The following SEMA3E variants were observed in gnomAD, a reference collection of about 807,000 sequenced individuals.
SEMA3E encodes the protein semaphorin 3E.
In SEMA3E, 49 loss-of-function variants were observed where a neutral mutation model predicts 93.6. The observed-to-expected ratio is 0.52, with a 90% CI of 0.42 to 0.66. SEMA3E has a LOEUF of 0.66. Ranked by LOEUF, SEMA3E falls within the 30% of genes least tolerant of loss-of-function variation. The pLI, the probability that SEMA3E is intolerant of heterozygous loss-of-function variation, is 0.00. For synonymous variants in SEMA3E, 363 were observed against 330.7 expected (o/e 1.10, Z -1.06); for missense variants, 906 against 964.8 (o/e 0.94, Z 0.81).
At chr7:83,467,057 C>CTTTTTTTTTTTTTTTTTTTTTTTTTTTTT (rs59059670) in intron 3 of SEMA3E, among the ~76,000 whole-genome samples, 1 of 117,168 alleles carries the variant, frequency 8.5e-6, no homozygotes. Context: ...AATATGCAGT[C>CTTTTTTTTTTTTTTTTTTTTTTTTTTTTT]TTTTTTTTTT....
At chr7:83,481,030 CTT>C (rs1405460754) in intron 2 of SEMA3E, among the ~76,000 whole-genome samples, 1 of 152,080 alleles carries the variant, frequency 6.6e-6, no homozygotes, top group African/African-American at 2.4e-5. Context: ...AATGAGGACT[CTT>C]TTAATAAAAG....
intron 1 of SEMA3E, among the ~76,000 whole-genome samples, chr7:83,591,031 AG>A (rs540812450): frequency 1.8e-3 from 279 of 151,580 alleles, no homozygotes; most frequent in African/African-American, 6.3e-3. Context: ...GTTCTTGAGC[AG>A]GAAGTTTTAA....
At chr7:83,474,112 A>AGG (rs1256396506) in intron 2 of SEMA3E, among the ~76,000 whole-genome samples, 75 of 150,930 alleles carry the variant, frequency 5.0e-4, no homozygotes, top group African/African-American at 1.6e-3. Flanking sequence ...AAAAAAAAAA[A>AGG]AAAAGAAAAA....
chr7:83,395,446 C>T (rs986016876), intron 12 of SEMA3E, among the ~76,000 whole-genome samples: 1 of 152,160 alleles, frequency 6.6e-6, no homozygotes, highest in African/African-American at 2.4e-5. Context: ...AATTAGCCTA[C>T]TTGCTAAAAT....
At chr7:83,508,554 G>A (rs535462552) in intron 1 of SEMA3E, among the ~76,000 whole-genome samples, 8 of 152,186 alleles carry the variant, frequency 5.3e-5, no homozygotes, top group African/African-American at 7.2e-5. Context: ...GAGCCACTGC[G>A]CCTGGCTTAT....
intron 5 of SEMA3E, among the ~76,000 whole-genome samples, chr7:83,415,802 T>C (rs544454015): frequency 6.6e-6 from 1 of 152,120 alleles, no homozygotes; most frequent in Non-Finnish European, 1.5e-5. Context: ...TTTGTCTTCA[T>C]GTGAACAGAC....
At chr7:83,630,453 A>G (rs530180958) in intron 1 of SEMA3E, among the ~76,000 whole-genome samples, 2 of 152,340 alleles carry the variant, frequency 1.3e-5, no homozygotes, top group Admixed American at 6.5e-5. Context: ...ACTAGAAAGC[A>G]TCTGAAGGCA....
chr7:83,565,816 T>C (rs757778997), intron 1 of SEMA3E, among the ~76,000 whole-genome samples: 1 of 152,128 alleles, frequency 6.6e-6, no homozygotes, highest in Non-Finnish European at 1.5e-5. Flanking sequence ...TTGGAATTCT[T>C]GCATTTTATC....
intron 16 of SEMA3E, among the ~76,000 whole-genome samples, chr7:83,381,626 T>C (rs1787781178): frequency 6.6e-6 from 1 of 152,004 alleles, no homozygotes; most frequent in South Asian, 2.1e-4. Flanking sequence ...TTCTTCAGAA[T>C]ATAAGTTCTA....
chr7:83,536,499 G>C (rs1791412782), intron 1 of SEMA3E, among the ~76,000 whole-genome samples: 1 of 151,846 alleles, frequency 6.6e-6, no homozygotes, highest in Admixed American at 6.6e-5. Context: ...TGAAAAATAT[G>C]ACAAAGATTT....
intron 4 of SEMA3E, among the ~76,000 whole-genome samples, chr7:83,457,328 T>G (rs1387190329): frequency 6.6e-6 from 1 of 152,136 alleles, no homozygotes; most frequent in African/African-American, 2.4e-5. Flanking sequence ...AGCTCCAGAT[T>G]CATTCTTTCA....
intron 5 of SEMA3E, among the ~76,000 whole-genome samples, chr7:83,416,521 A>T (rs777839420): frequency 6.6e-6 from 1 of 152,100 alleles, no homozygotes; most frequent in Non-Finnish European, 1.5e-5. Flanking sequence ...GTTAAAAAAT[A>T]ATTTGCCTTC....
chr7:83,456,706 TG>T (rs1215722375), intron 4 of SEMA3E, among the ~76,000 whole-genome samples: 1 of 151,882 alleles, frequency 6.6e-6, no homozygotes, highest in Non-Finnish European at 1.5e-5. Flanking sequence ...CTCCACCTCC[TG>T]GGGTCAAGCG....
chr7:83,457,541 G>C (rs1789511426), intron 4 of SEMA3E, among the ~76,000 whole-genome samples: 1 of 152,116 alleles, frequency 6.6e-6, no homozygotes, highest in South Asian at 2.1e-4. Context: ...CTAAGTTACA[G>C]AAACTCTCCT....
intron 4 of SEMA3E, among the ~76,000 whole-genome samples, chr7:83,454,272 A>AAAAAAATATATATATATATATATATAT (rs1257792756): frequency 3.6e-5 from 4 of 110,132 alleles, no homozygotes; most frequent in African/African-American, 1.7e-4. Context: ...AAAAAAAAAA[A>AAAAAAATATATATATATATATATATAT]ATATATATAT....
rs879194796 is a variant in SEMA3E at position 83,392,443 on chromosome 7, C to T, written c.1667+112G>A. On this transcript the variant is annotated intron_variant, in intron 14 of 16. Transcript: ENST00000643230. ...AGCATGTTCAGTGCCAGTCTCTGTA[C>T]ACAATAATTAATACAGGTATTTTCT... 1.2e-5 allele frequency: 14 copies of T among 1,203,504 alleles called. No individual in the cohort carries two copies. In the Admixed American group the frequency reaches 1.8e-4, roughly 15 times the overall value. The allele number at this position is 1,203,504 out of a possible 1,614,324, so 74.6% of individuals were successfully genotyped here. A position where few individuals can be genotyped will look rare whatever the true frequency, so the allele number is the denominator to read the frequency against.
intron 2 of SEMA3E, among the ~76,000 whole-genome samples, chr7:83,471,645 TTTTG>T (rs1041550109): frequency 2.6e-4 from 40 of 152,184 alleles, no homozygotes; most frequent in African/African-American, 8.9e-4. Context: ...CTGAGGATTT[TTTTG>T]TTTGTTTGTT....
At chr7:83,637,599 C>T (rs1014496232) in intron 1 of SEMA3E, among the ~76,000 whole-genome samples, 16 of 151,938 alleles carry the variant, frequency 1.1e-4, no homozygotes, top group Non-Finnish European at 1.6e-4. Flanking sequence ...TGTGAGTTCT[C>T]GGGAGATCTG....
intron 1 of SEMA3E, among the ~76,000 whole-genome samples, chr7:83,498,220 T>A (rs28507286): frequency 1.0e-3 from 153 of 152,280 alleles, no homozygotes; most frequent in African/African-American, 3.4e-3. Context: ...CTATTAGTAA[T>A]GTTTTCGGGG....
Sources: gnomAD v4.1 joint callset for allele counts (sites outside exome capture counted in the v4.1 genomes callset) on GRCh38, gnomAD v4.1.1 for gene constraint, MANE v1.5 for transcripts, NCBI Gene and HGNC (gene_info 2026-07-23, HGNC 2026-07-21) for gene names.